The following ITGAE variants were observed in gnomAD, a reference collection of about 807,000 sequenced individuals.
The protein encoded by ITGAE is integrin subunit alpha E, also known as integrin alpha-E.
A neutral mutation model predicts 136.5 loss-of-function variants in ITGAE; 99 were observed. The observed-to-expected ratio is 0.73, with a 90% CI of 0.62 to 0.86. ITGAE has a LOEUF of 0.86. ITGAE is among the 40% of genes least tolerant of loss of function. The probability of loss-of-function intolerance (pLI) is 0.00; values close to 1 mark genes in which losing one functional copy is unlikely to be tolerated. For missense variants in ITGAE, 1,447 were observed against 1,515.3 expected (o/e 0.95, Z 0.75); for synonymous variants, 613 against 591.8 (o/e 1.04, Z -0.52).
rs1319288733 is a variant in ITGAE at position 3,799,607 on chromosome 17, C to T, written c.34+1504G>A. ...GGGTAGTCACTGCCCGCTCTGTGCC[C>T]CAGTCACCTCCTCTGTACTGGGAGA... is the stretch of plus-strand genomic sequence containing the variant. On this transcript the variant is annotated intron_variant, in intron 1 of 30. Coordinates refer to ENST00000263087, the MANE Select transcript of ITGAE (RefSeq NM_002208.5). This position sits in a 1 kb window ranked among gnomAD's most constrained non-coding sequence, Gnocchi z 4.1. 1.3e-5 allele frequency among the ~76,000 whole-genome samples: 2 copies of T among 152,002 alleles called. No individual in the cohort carries two copies. The highest frequency in any genetic ancestry group is 2.9e-5 in the Non-Finnish European group (2 of 68,006).
intron 3 of ITGAE, among the ~76,000 whole-genome samples, chr17:3,762,590 T>G: frequency 8.7e-6 from 1 of 114,994 alleles, no homozygotes; most frequent in African/African-American, 3.7e-5. Context: ...CAGACAAGGA[T>G]TTTTTTTTTT....
chr17:3,743,481 A>G lies in ITGAE; in HGVS notation c.2448+8T>C, dbSNP rs1234023801. 1.3e-6 allele frequency: 2 copies of G among 1,586,386 alleles called. No individual in the cohort carries two copies. Among genetic ancestry groups the G allele is most frequent in the East Asian group, 4.6e-5 (2 of 43,870 alleles). The stretch of plus-strand genomic sequence containing the variant: ...AGAGGGCTGGGTACTGGCTGTGGGT[A>G]GAGTCACCTGGAAGATGGCAAAGGG... On this transcript the variant is annotated splice_region_variant and intron_variant, in intron 19 of 30. Coordinates refer to ENST00000263087, the MANE Select transcript of ITGAE (RefSeq NM_002208.5).
At chr17:3,742,910 C>T (rs1292512237) in intron 19 of ITGAE, among the ~76,000 whole-genome samples, 16 of 152,230 alleles carry the variant, frequency 1.1e-4, no homozygotes, top group Admixed American at 1.0e-3. Flanking sequence ...CCTCAACCTC[C>T]CAAAGTGTTG....
intron 19 of ITGAE, 79 bp downstream of exon 19, chr17:3,743,410 T>C (rs2051632216): frequency 4.1e-6 from 6 of 1,460,974 alleles, no homozygotes; most frequent in Non-Finnish European, 5.5e-6. Flanking sequence ...ACTCCACCAT[T>C]CTTGGAAGTT....
chr17:3,783,498 A>G (rs1015161883), intron 1 of ITGAE, among the ~76,000 whole-genome samples: 1 of 152,202 alleles, frequency 6.6e-6, no homozygotes, highest in Non-Finnish European at 1.5e-5. Context: ...CCTTCATGAC[A>G]ATACATTTTA....
chr17:3,796,578 G>T (rs1354809684), intron 1 of ITGAE, among the ~76,000 whole-genome samples: 1 of 152,050 alleles, frequency 6.6e-6, no homozygotes. Context: ...AACCACAGGC[G>T]AGGGCTGGCC....
At chr17:3,793,973 C>CTTTT (rs5818917) in intron 1 of ITGAE, among the ~76,000 whole-genome samples, 4 of 81,196 alleles carry the variant, frequency 4.9e-5, no homozygotes, top group South Asian at 3.5e-4. Context: ...CCTCTTCATC[C>CTTTT]TTTTTTTTTT....
intron 2 of ITGAE, among the ~76,000 whole-genome samples, chr17:3,777,175 A>G (rs1316068843): frequency 1.3e-5 from 2 of 151,440 alleles, no homozygotes. Flanking sequence ...GTTAGCCAGG[A>G]TGGTCTCAAT....
Position 3,785,981 on chromosome 17 carries a change from C to G in ITGAE, c.35-8321G>C, listed in dbSNP as rs563796795. 1.9e-4 allele frequency among the ~76,000 whole-genome samples: 29 copies of G among 151,980 alleles called. 1 individual carries two copies. The highest frequency in any genetic ancestry group is 4.6e-4 in the Admixed American group (7 of 15,246). ...AGGAGATCGAGACCGTCCTGGCTAA[C>G]ACGGTGAAACCCCGTCTCTACTGAA... On this transcript the variant is annotated intron_variant, in intron 1 of 30. Transcript: ENST00000263087.
At chr17:3,786,167 A>C (rs1174974718) in intron 1 of ITGAE, among the ~76,000 whole-genome samples, 13 of 119,052 alleles carry the variant, frequency 1.1e-4, no homozygotes. Flanking sequence ...ACTCCATCTC[A>C]AAAAAAAAAA....
chr17:3,789,244 C>G (rs766758368), intron 1 of ITGAE, among the ~76,000 whole-genome samples: 64 of 151,470 alleles, frequency 4.2e-4, no homozygotes, highest in Non-Finnish European at 8.0e-4. Flanking sequence ...AAGACTGTCT[C>G]CAAAAAAAAG....
chr17:3,723,621 C>T, intron 27 of ITGAE, 67 bp downstream of exon 27: 1 of 1,453,336 alleles, frequency 6.9e-7, no homozygotes, highest in Non-Finnish European at 9.3e-7. Flanking sequence ...AAAACAGTCT[C>T]CTGGCCTCTC....
At chr17:3,717,757 G>A (rs576487983) in intron 29 of ITGAE, 4 of 152,190 alleles carry the variant, frequency 2.6e-5, no homozygotes, top group Non-Finnish European at 5.9e-5. Context: ...TGACCTTCCA[G>A]TCCTATTTAG....
At chr17:3,771,209 C>A (rs2052412411) in intron 2 of ITGAE, among the ~76,000 whole-genome samples, 1 of 152,088 alleles carries the variant, frequency 6.6e-6, no homozygotes, top group Admixed American at 6.6e-5. Context: ...CACAATGTAA[C>A]CCTGGCAACC....
chr17:3,789,544 A>G (rs1380283495), intron 1 of ITGAE, among the ~76,000 whole-genome samples: 1 of 132,644 alleles, frequency 7.5e-6, no homozygotes, highest in Non-Finnish European at 1.5e-5. Flanking sequence ...TCTGTCACCC[A>G]GGCTGGAGTG....
chr17:3,732,836 C>T (rs1033722352), intron 21 of ITGAE, among the ~76,000 whole-genome samples: 14 of 152,132 alleles, frequency 9.2e-5, no homozygotes, highest in Admixed American at 6.6e-4. Flanking sequence ...GCTGGAAGGC[C>T]GGCACACACC....
chr17:3,715,485 G>A (rs2050924735), intron 30 of ITGAE, among the ~76,000 whole-genome samples: 1 of 152,156 alleles, frequency 6.6e-6, no homozygotes. Flanking sequence ...AGCAGTCATG[G>A]AGGGCATTCC....
intron 23 of ITGAE, chr17:3,730,559 A>G (rs1383028485): frequency 2.0e-5 from 3 of 152,850 alleles, no homozygotes; most frequent in African/African-American, 7.2e-5. Context: ...AGGGCTTCTC[A>G]GCCTCCACAC....
At chr17:3,800,938 C>G (rs1240130779) in intron 1 of ITGAE, among the ~76,000 whole-genome samples, 173 bp downstream of exon 1, 1 of 152,212 alleles carries the variant, frequency 6.6e-6, no homozygotes, top group African/African-American at 2.4e-5. Context: ...TCCCAACAAG[C>G]CTGGGGCCCT....
Sources: allele counts gnomAD v4.1 joint callset (sites outside exome capture counted in the v4.1 genomes callset), GRCh38; gene constraint gnomAD v4.1.1; non-coding constraint Gnocchi (gnomAD v3.1); transcripts MANE v1.5; gene names NCBI Gene and HGNC (gene_info 2026-07-23, HGNC 2026-07-21).